The following NFX1 variants were observed in gnomAD, a reference collection of about 807,000 sequenced individuals.
The protein encoded by NFX1 is nuclear transcription factor, X-box binding 1.
A neutral mutation model predicts 137.2 loss-of-function variants in NFX1; 69 were observed. The observed-to-expected ratio is 0.50, with a 90% confidence interval of 0.41 to 0.61. The LOEUF (loss-of-function observed/expected upper bound fraction) is 0.61. Among genes scored for constraint, NFX1 ranks in the 20% least tolerant of loss-of-function variants. The pLI is 0.00. For synonymous variants in NFX1, 495 were observed against 474.1 expected, an observed-to-expected ratio of 1.04 and a Z score of -0.57; for missense variants, 1,167 against 1,391.0, an observed-to-expected ratio of 0.84 and a Z score of 2.56.
At chr9:33,328,384 G>C (rs772599798) in intron 9 of NFX1, among the ~76,000 whole-genome samples, 197 bp from the exon 10 acceptor site, 1 of 152,018 alleles carries the variant, frequency 6.6e-6, no homozygotes, top group African/African-American at 2.4e-5. Flanking sequence ...TCTAAGCTGG[G>C]CCCTGAAGTT....
intron 11 of NFX1, among the ~76,000 whole-genome samples, chr9:33,335,704 C>T (rs1327524965): frequency 6.6e-6 from 1 of 152,106 alleles, no homozygotes; most frequent in Non-Finnish European, 1.5e-5. Context: ...AGCATTTACT[C>T]CCCACTCAGT....
At chr9:33,338,105 A>G (rs1219671270) in intron 11 of NFX1, among the ~76,000 whole-genome samples, 1 of 151,868 alleles carries the variant, frequency 6.6e-6, no homozygotes, top group African/African-American at 2.4e-5. Context: ...CTGTAATCTC[A>G]GCACTTTGGG....
chr9:33,301,153 CTG>C (rs1821548679), intron 2 of NFX1, 108 bp from the exon 3 acceptor site: 2 of 1,006,598 alleles, frequency 2.0e-6, no homozygotes, highest in African/African-American at 1.6e-5. Context: ...CTTAAAATCT[CTG>C]TGTTTGGATT....
chr9:33,304,803 A>C (rs11789719), intron 4 of NFX1, among the ~76,000 whole-genome samples: 9,133 of 152,300 alleles, frequency 0.06, 304 homozygotes, highest in East Asian at 0.094. Context: ...GGCAGCATGA[A>C]ACTGGAAGTA....
At chr9:33,307,718 A>G (rs1354664646) in intron 5 of NFX1, among the ~76,000 whole-genome samples, 1 of 152,072 alleles carries the variant, frequency 6.6e-6, no homozygotes, top group Non-Finnish European at 1.5e-5. Flanking sequence ...CTGTCTGGGG[A>G]AAGACAATTG....
intron 5 of NFX1, among the ~76,000 whole-genome samples, chr9:33,308,051 C>T (rs1821823735): frequency 1.3e-5 from 2 of 152,198 alleles, no homozygotes; most frequent in East Asian, 1.9e-4. Flanking sequence ...GCAATCTGCT[C>T]TCCTCAGCCT....
intron 23 of NFX1, among the ~76,000 whole-genome samples, chr9:33,368,766 C>T (rs1027250221): frequency 1.3e-5 from 2 of 152,198 alleles, no homozygotes; most frequent in South Asian, 2.1e-4. Context: ...TACGGCAGTT[C>T]ACAAGGTCAC....
chr9:33,364,728 G>T lies in NFX1; in HGVS notation c.2993G>T (p.Ser998Ile), dbSNP rs770540633. ...TTCAGGAAGGACTTAAAGTTTGTCAGTGACGTTGAGAAGGAAATGGAAACC... is the reference window on the plus strand; with the variant it reads ...TTCAGGAAGGACTTAAAGTTTGTCATTGACGTTGAGAAGGAAATGGAAACC... Reference protein sequence around the residue: ...EDARKDLKFVSDVEKEMETLV... With the variant: ...EDARKDLKFVIDVEKEMETLV... The change falls in exon 21 of 24, where the codon AGT becomes ATT. Residue 998 changes from serine to isoleucine, a missense_variant. Ser to Ile is a moderately radical substitution (Grantham distance 142). This residue lies in a region of NFX1 where 312 missense variants were observed against 312.8 expected (regional missense o/e 1.00). Coordinates refer to ENST00000379540, the MANE Select transcript of NFX1 (RefSeq NM_002504.6). The T allele has an allele frequency of 8.1e-6, 13 of 1,613,634 alleles. No individual in the cohort carries two copies. Among genetic ancestry groups the T allele is most frequent in the African/African-American group, 4.0e-5 (3 of 74,860 alleles).
At chr9:33,291,218 C>T (rs1821149156) in intron 1 of NFX1, among the ~76,000 whole-genome samples, 1 of 152,186 alleles carries the variant, frequency 6.6e-6, no homozygotes, top group Non-Finnish European at 1.5e-5. Context: ...ACATCCATTT[C>T]CTCAGGGTGT....
rs1031439491 is a variant in NFX1 at position 33,370,729 on chromosome 9, G to A, written c.*751G>A. On this transcript the variant is annotated 3_prime_UTR_variant, in exon 24 of 24. Transcript: ENST00000379540. Reference sequence around the variant, plus strand: ...CCCATGATGGTAGGAAATATAGAGAGCAAGTTCTTCTGCCAGGGTCACACT... The same window carrying A: ...CCCATGATGGTAGGAAATATAGAGAACAAGTTCTTCTGCCAGGGTCACACT... 1 of 152,234 alleles carries A rather than the reference G, an allele frequency of 6.6e-6. No homozygotes were observed. Among genetic ancestry groups the A allele is most frequent in the Non-Finnish European group, 1.5e-5 (1 of 68,058 alleles). 9.4% of individuals were successfully genotyped at this position (152,234 alleles called of 1,614,324 possible). A position where few individuals can be genotyped will look rare whatever the true frequency, so the allele number is the denominator to read the frequency against.
chr9:33,311,616 G>A (rs937609691), intron 6 of NFX1, among the ~76,000 whole-genome samples: 3 of 151,792 alleles, frequency 2.0e-5, no homozygotes, highest in South Asian at 2.1e-4. Flanking sequence ...GCAGTGGTGC[G>A]ATCTCGGCTC....
At chr9:33,314,806 T>C (rs977141173) in intron 7 of NFX1, among the ~76,000 whole-genome samples, 1 of 152,206 alleles carries the variant, frequency 6.6e-6, no homozygotes, top group Non-Finnish European at 1.5e-5. Context: ...TCTGGGTTGA[T>C]AGAAATGTTT....
intron 1 of NFX1, among the ~76,000 whole-genome samples, chr9:33,293,022 G>A (rs1240940491): frequency 6.6e-6 from 1 of 152,188 alleles, no homozygotes; most frequent in Non-Finnish European, 1.5e-5. Context: ...AAAGCTTTCA[G>A]GACAAATCCT....
rs767865210 is a variant in NFX1, at chr9:33,313,641, A to G, written c.1449-13A>G. On this transcript the variant is annotated splice_polypyrimidine_tract_variant and intron_variant, in intron 6 of 23. Transcript: ENST00000379540. ...TTACACTGATGCTGTCTTTACATCT[A>G]TTGTCTTTACAGGCACACAGTTCGC... is the stretch of plus-strand genomic sequence containing the variant. 4.3e-6 allele frequency: 7 copies of G among 1,613,506 alleles called. No homozygotes were observed. In the Admixed American group the frequency reaches 6.7e-5, roughly 15 times the overall value.
At chr9:33,297,583 G>A (rs1821402925) in intron 2 of NFX1, among the ~76,000 whole-genome samples, 1 of 152,186 alleles carries the variant, frequency 6.6e-6, no homozygotes, top group African/African-American at 2.4e-5. Flanking sequence ...CTAGGCATGT[G>A]ATCTCATCTG....
At chr9:33,355,775 G>A (rs1823790806) in intron 19 of NFX1, among the ~76,000 whole-genome samples, 1 of 150,888 alleles carries the variant, frequency 6.6e-6, no homozygotes, top group Admixed American at 6.6e-5. Context: ...CTCCAGAGTA[G>A]TTGGCATTAC....
chr9:33,323,431 A>C (rs1031609835), intron 9 of NFX1, among the ~76,000 whole-genome samples: 1 of 152,228 alleles, frequency 6.6e-6, no homozygotes, highest in Non-Finnish European at 1.5e-5. Context: ...CAGATTTCAC[A>C]AAGACTGTAG....
chr9:33,346,886 A>G (rs1823440259), intron 14 of NFX1, 152 bp from the exon 15 acceptor site: 5 of 520,148 alleles, frequency 9.6e-6, no homozygotes, highest in South Asian at 9.6e-5. Flanking sequence ...ACATAAAGCA[A>G]GGTACTTTTT....
Position 33,319,036 on chromosome 9 carries a change from A to G in NFX1, c.1815A>G (p.Leu605=), listed in dbSNP as rs753346973. The change falls in exon 9 of 24, where the codon CTA becomes CTG. Residue 605 remains leucine (L), a synonymous_variant. Coordinates refer to ENST00000379540, the MANE Select transcript of NFX1 (RefSeq NM_002504.6). ...PCGQTPLSQL[L]ELGSSSRKTC... is the part of the protein sequence containing the mutation. ...GCCAAACTCCTCTCAGCCAATTGCT[A>G]GAACTTGGAAGTAGTAGTCGGAAAA... is the stretch of plus-strand genomic sequence containing the variant. 3 of 1,614,240 alleles carry G rather than the reference A, an allele frequency of 1.9e-6. No homozygotes were observed. The highest frequency in any genetic ancestry group is 4.5e-5 in the East Asian group (2 of 44,888).
Sources: gnomAD v4.1 joint callset for allele counts (sites outside exome capture counted in the v4.1 genomes callset) on GRCh38, gnomAD v4.1.1 for gene constraint, gnomAD v4.1.1 regional missense constraint, MANE v1.5 for transcripts, NCBI Gene and HGNC (gene_info 2026-07-23, HGNC 2026-07-21) for gene names.